CDT1: variants seen among roughly 807,000 people sequenced by gnomAD.
CDT1 encodes chromatin licensing and DNA replication factor 1.
A neutral mutation model predicts 49.3 loss-of-function variants in CDT1; 66 were observed. That is an observed-to-expected ratio of 1.34 (90% CI 1.10 to 1.64). The LOEUF (loss-of-function observed/expected upper bound fraction) is 1.64, where lower values mean the gene tolerates loss of function less well. Ranked by LOEUF, CDT1 falls within the 40% of genes most tolerant of loss-of-function variation. The pLI is 0.00. For synonymous variants in CDT1, 424 were observed against 347.4 expected (o/e 1.22, Z -2.45); for missense variants, 958 against 807.7 (o/e 1.19, Z -2.26).
At chr16:88,804,169 C>A in intron 1 of CDT1, 110 bp downstream of exon 1, 2 of 496,270 alleles carry the variant, frequency 4.0e-6, no homozygotes, top group Non-Finnish European at 6.1e-6. Flanking sequence ...GGGAAACAGG[C>A]GGGGGGGACG....
rs771090627 is a variant in CDT1 at position 88,804,904 on chromosome 16, T to G, written c.488+6T>G. 1.3e-6 allele frequency: 2 copies of G among 1,557,090 alleles called. No individual in the cohort carries two copies. Among genetic ancestry groups the G allele is most frequent in the Non-Finnish European group, 1.7e-6 (2 of 1,156,420 alleles). ...GGCCGCCCTGAGGAGCCATGGTGAG[T>G]GCTGGGTGGGCGGCCACGAGGCCCC... On this transcript the variant is annotated splice_donor_region_variant and intron_variant, in intron 3 of 9. Coordinates refer to ENST00000301019, the MANE Select transcript of CDT1 (RefSeq NM_030928.4).
chr16:88,805,922 C>A, intron 5 of CDT1, 53 bp downstream of exon 5: 1 of 1,603,556 alleles, frequency 6.2e-7, no homozygotes, highest in Non-Finnish European at 8.5e-7. Flanking sequence ...CGCACAGTTT[C>A]CAGGGTGGGT....
Position 88,805,868 on chromosome 16 carries a change from G to A in CDT1, c.831G>A (p.Gln277=). The A allele has an allele frequency of 6.2e-7, 1 of 1,612,944 alleles. No individual in the cohort carries two copies. The highest frequency in any genetic ancestry group is 8.5e-7 in the Non-Finnish European group (1 of 1,179,942). The part of the protein sequence containing the change: ...YQLTIEPLLE[Q]EADGAAPQLT... ...TCACCATCGAGCCACTGCTGGAGCAGGGTGAGTGCTGGGTGCGGGACCTCG... is the reference window on the plus strand; with the variant it reads ...TCACCATCGAGCCACTGCTGGAGCAAGGTGAGTGCTGGGTGCGGGACCTCG... Residue 277 remains glutamine (Q), a splice_region_variant and synonymous_variant, in exon 5 of 10, where the codon CAG becomes CAA. Coordinates refer to ENST00000301019, the MANE Select transcript of CDT1 (RefSeq NM_030928.4).
Position 88,804,030 on chromosome 16 carries a change from C to T in CDT1, c.199C>T (p.Arg67Cys), listed in dbSNP as rs1908751181. 2 of 1,458,658 alleles carry T rather than the reference C, an allele frequency of 1.4e-6. No homozygotes were observed. The highest frequency in any genetic ancestry group is 1.8e-6 in the Non-Finnish European group (2 of 1,112,328). 90.4% of individuals were successfully genotyped at this position (1,458,658 alleles called of 1,614,324 possible). The change falls in exon 1 of 10, where the codon CGC (arginine) becomes TGC (cysteine). Residue 67 changes from arginine to cysteine, a missense_variant. By Grantham distance (180) the Arg-to-Cys change is radical. Transcript: ENST00000301019. ...PGRDQARPPA[R>C]RRLRLSVDEV... ...ACGCGACCAGGCCAGGCCACCGGCCCGCAGGAGACTGCGGCTGTCGGTGGA... is the reference window on the plus strand; with the variant it reads ...ACGCGACCAGGCCAGGCCACCGGCCTGCAGGAGACTGCGGCTGTCGGTGGA...
In CDT1 at chr16:88,808,945, A is replaced by G. The variant is rs1465586020; in HGVS notation, c.*667A>G. ...CAGGAGGCACAGCTTGCAGTGAGCG[A>G]AGATCGCACCACTGCACGCACTCCA... is the stretch of plus-strand genomic sequence containing the variant. On this transcript the variant is annotated 3_prime_UTR_variant, in exon 10 of 10. Coordinates refer to ENST00000301019, the MANE Select transcript of CDT1 (RefSeq NM_030928.4). The G allele has an allele frequency of 1.2e-5, 2 of 164,778 alleles. No homozygotes were observed. Among genetic ancestry groups the G allele is most frequent in the East Asian group, 1.8e-4 (1 of 5,682 alleles). 10.2% of individuals were successfully genotyped at this position (164,778 alleles called of 1,614,324 possible). A position where few individuals can be genotyped will look rare whatever the true frequency, so the allele number is the denominator to read the frequency against.
In CDT1 at chr16:88,808,839, A is replaced by G. The variant is rs937964441; in HGVS notation, c.*561A>G. ...GTGAAACCCCATCTCTACTAAAAAT[A>G]CAAAAAATTAGCCGGGTGTGGTGGT... On this transcript the variant is annotated 3_prime_UTR_variant, in exon 10 of 10. Coordinates refer to ENST00000301019, the MANE Select transcript of CDT1 (RefSeq NM_030928.4). 22 of 123,318 alleles carry G rather than the reference A, an allele frequency of 1.8e-4. No homozygotes were observed. Among genetic ancestry groups the G allele is most frequent in the Non-Finnish European group, 3.2e-4 (20 of 63,456 alleles). 7.6% of individuals were successfully genotyped at this position (123,318 alleles called of 1,614,324 possible). A position where few individuals can be genotyped will look rare whatever the true frequency, so the allele number is the denominator to read the frequency against.
chr16:88,804,001 C>T lies in CDT1; in HGVS notation c.170C>T (p.Pro57Leu). The change falls in exon 1 of 10, where the codon CCC becomes CTC. Residue 57 changes from proline to leucine, a missense_variant. Transcript: ENST00000301019. ...SRKRARPPAAPGRDQARPPAR... is the reference protein window; with the variant it reads ...SRKRARPPAALGRDQARPPAR... ...AAGCGCGCCCGCCCGCCCGCCGCCC[C>T]CGGACGCGACCAGGCCAGGCCACCG... is the stretch of plus-strand genomic sequence containing the variant. 2 of 1,456,624 alleles carry T rather than the reference C, an allele frequency of 1.4e-6. No homozygotes were observed. Among genetic ancestry groups the T allele is most frequent in the Non-Finnish European group, 1.8e-6 (2 of 1,110,388 alleles). 90.2% of individuals were successfully genotyped at this position (1,456,624 alleles called of 1,614,324 possible). A position where few individuals can be genotyped will look rare whatever the true frequency, so the allele number is the denominator to read the frequency against.
rs903937862 is a variant in CDT1, at chr16:88,808,496, C to T, written c.*218C>T. 2.3e-5 allele frequency: 14 copies of T among 597,960 alleles called. No homozygotes were observed. The highest frequency in any genetic ancestry group is 3.0e-5 in the Admixed American group (1 of 32,898). The allele number at this position is 597,960 out of a possible 1,614,324, so 37.0% of individuals were successfully genotyped here. A position where few individuals can be genotyped will look rare whatever the true frequency, so the allele number is the denominator to read the frequency against. On this transcript the variant is annotated 3_prime_UTR_variant, in exon 10 of 10. Transcript: ENST00000301019. ...CTCACCTGGTGGATTCACATTAAACCGGTTTCTGTGGGCACCTCTGTCCTT... is the reference window on the plus strand; with the variant it reads ...CTCACCTGGTGGATTCACATTAAACTGGTTTCTGTGGGCACCTCTGTCCTT...
chr16:88,808,569 A>G lies in CDT1; in HGVS notation c.*291A>G, dbSNP rs1016933087. ...CAGATCCAGCACCCCCTGGGGGGCC[A>G]TCGGGAGTGTGGCTGGGGGTGAAGG... On this transcript the variant is annotated 3_prime_UTR_variant, in exon 10 of 10. Transcript: ENST00000301019. The G allele has an allele frequency of 2.2e-5, 11 of 491,442 alleles. No individual in the cohort carries two copies. The highest frequency in any genetic ancestry group is 3.9e-5 in the African/African-American group (2 of 51,616). The allele number at this position is 491,442 out of a possible 1,614,324, so 30.4% of individuals were successfully genotyped here. A position where few individuals can be genotyped will look rare whatever the true frequency, so the allele number is the denominator to read the frequency against.
At position 88,808,379 on chromosome 16, in the gene CDT1, C is replaced by T. The variant is rs2142947983; in HGVS notation, c.*101C>T. The T allele has an allele frequency of 1.5e-6, 2 of 1,347,670 alleles. No homozygotes were observed. Among genetic ancestry groups the T allele is most frequent in the Non-Finnish European group, 2.0e-6 (2 of 994,130 alleles). 83.5% of individuals were successfully genotyped at this position (1,347,670 alleles called of 1,614,324 possible). On this transcript the variant is annotated 3_prime_UTR_variant, in exon 10 of 10. Transcript: ENST00000301019. Reference sequence around the variant, plus strand: ...ACATGATACACTTTGGCCTTCCTTTCCCCAGCGCCCCTGAGGGCCAGAGGC... The same window carrying T: ...ACATGATACACTTTGGCCTTCCTTTTCCCAGCGCCCCTGAGGGCCAGAGGC...
At chr16:88,807,604 C>A in intron 9 of CDT1, 122 bp downstream of exon 9, 1 of 1,009,302 alleles carries the variant, frequency 9.9e-7, no homozygotes. Flanking sequence ...GTGCAGTGGG[C>A]GCTGGCCTCT....
At chr16:88,805,087 C>T (rs550803318) in intron 3 of CDT1, among the ~76,000 whole-genome samples, 189 bp downstream of exon 3, 4 of 152,352 alleles carry the variant, frequency 2.6e-5, no homozygotes, top group African/African-American at 7.2e-5. Flanking sequence ...CTCAGTCCCT[C>T]CTGCGGGGGG....
rs74035837 is a variant in CDT1, at chr16:88,807,107, G to A, written c.1179G>A (p.Gly393=). The A allele has an allele frequency of 6.2e-6, 10 of 1,612,680 alleles. No homozygotes were observed. The highest frequency in any genetic ancestry group is 1.3e-5 in the African/African-American group (1 of 74,928). The part of the protein sequence containing the change: ...ALRSAAPSSP[G]SPRPALPATP... ...GCTCTGCTGCGCCCAGCAGCCCCGG[G>A]TCTCCCAGGCCAGCACTGCCGGCTA... The change falls in exon 8 of 10, where the codon GGG becomes GGA. Residue 393 remains glycine (G), a synonymous_variant. Transcript: ENST00000301019.
chr16:88,805,911 C>A, intron 5 of CDT1, 42 bp downstream of exon 5: 1 of 1,608,048 alleles, frequency 6.2e-7, no homozygotes, highest in Non-Finnish European at 8.5e-7. Flanking sequence ...CATCTGTGAG[C>A]CGCACAGTTT....
intron 3 of CDT1, among the ~76,000 whole-genome samples, chr16:88,805,111 G>C (rs987259259): frequency 3.9e-5 from 6 of 152,242 alleles, no homozygotes; most frequent in Non-Finnish European, 1.5e-5. Flanking sequence ...CTCCTGCCTC[G>C]GGGACTCTGG....
intron 6 of CDT1, 74 bp downstream of exon 6, chr16:88,806,195 A>G: frequency 7.6e-7 from 1 of 1,313,426 alleles, no homozygotes; most frequent in South Asian, 1.3e-5. Context: ...CTGTGCTTGG[A>G]GCATCCCTGC....
Position 88,805,807 on chromosome 16 carries a change from C to A in CDT1, c.770C>A (p.Thr257Asn). 1 of 1,613,214 alleles carries A rather than the reference C, an allele frequency of 6.2e-7. No homozygotes were observed. Among genetic ancestry groups the A allele is most frequent in the South Asian group, 1.1e-5 (1 of 91,084 alleles). Residue 257 changes from threonine to asparagine, a missense_variant, in exon 5 of 10, where the codon ACC becomes AAC. Coordinates refer to ENST00000301019, the MANE Select transcript of CDT1 (RefSeq NM_030928.4). The part of the protein sequence containing the change: ...YRFRQERSVP[T>N]FKDGTRRSDY... Reference sequence around the variant, plus strand: ...TTCCGCCAGGAGCGCAGTGTCCCCACCTTCAAGGATGGCACCAGGAGGTCA... The same window carrying A: ...TTCCGCCAGGAGCGCAGTGTCCCCAACTTCAAGGATGGCACCAGGAGGTCA...
rs781491077 is a variant in CDT1, at chr16:88,803,807, T to G, written c.-25T>G. ...CCTCTTCCTCCCTTCCTTCTTTCCT[T>G]GCTTTCGCCGCGCACTCCGCCGCCA... On this transcript the variant is annotated 5_prime_UTR_variant, in exon 1 of 10. Coordinates refer to ENST00000301019, the MANE Select transcript of CDT1 (RefSeq NM_030928.4). 5 of 1,503,170 alleles carry G rather than the reference T, an allele frequency of 3.3e-6. No individual in the cohort carries two copies. The highest frequency in any genetic ancestry group is 1.8e-6 in the Non-Finnish European group (2 of 1,123,060). 93.1% of individuals were successfully genotyped at this position (1,503,170 alleles called of 1,614,324 possible).
Position 88,808,392 on chromosome 16 carries a change from G to T in CDT1, c.*114G>T, listed in dbSNP as rs1908954758. On this transcript the variant is annotated 3_prime_UTR_variant, in exon 10 of 10. Transcript: ENST00000301019. ...TGGCCTTCCTTTCCCCAGCGCCCCT[G>T]AGGGCCAGAGGCAGATGTGGGCTGC... The T allele has an allele frequency of 2.4e-6, 3 of 1,248,924 alleles. No individual in the cohort carries two copies. Among genetic ancestry groups the T allele is most frequent in the South Asian group, 2.9e-5 (2 of 69,032 alleles). 77.4% of individuals were successfully genotyped at this position (1,248,924 alleles called of 1,614,324 possible). A position where few individuals can be genotyped will look rare whatever the true frequency, so the allele number is the denominator to read the frequency against.
Sources: allele counts gnomAD v4.1 joint callset (sites outside exome capture counted in the v4.1 genomes callset), GRCh38; gene constraint gnomAD v4.1.1; transcripts MANE v1.5; gene names NCBI Gene and HGNC (gene_info 2026-07-23, HGNC 2026-07-21).